The following CSMD1 variants were observed in gnomAD, a reference collection of about 807,000 sequenced individuals.
CSMD1 encodes CUB and Sushi multiple domains 1, also known as CUB and sushi domain-containing protein 1.
CSMD1 carries 213 observed loss-of-function variants against 417.5 expected under a neutral mutation model. That is an observed-to-expected ratio of 0.51 (90% confidence interval 0.46 to 0.57). CSMD1 has a LOEUF of 0.57. Ranked by LOEUF, CSMD1 falls within the 20% of genes least tolerant of loss-of-function variation. The pLI, the probability that CSMD1 is intolerant of heterozygous loss-of-function variation, is 0.00. For missense variants in CSMD1, 6,923 were observed against 4,529.7 expected (o/e 1.53, Z -15.17); for synonymous variants, 2,862 against 1,736.8 (o/e 1.65, Z -16.11).
At chr8:4,894,502 G>A (rs893685057) in intron 1 of CSMD1, among the ~76,000 whole-genome samples, 14 of 149,866 alleles carry the variant, frequency 9.3e-5, no homozygotes, top group Non-Finnish European at 1.5e-4. Context: ...GCAGTGAGCC[G>A]AGATCGCACC....
intron 5 of CSMD1, among the ~76,000 whole-genome samples, chr8:3,859,059 C>T (rs889872960): frequency 3.3e-5 from 5 of 152,264 alleles, no homozygotes; most frequent in African/African-American, 1.2e-4. Context: ...TTACATTATT[C>T]ATGTGTTATG....
In CSMD1 at chr8:4,182,250, A is replaced by G. The variant is rs543899147; in HGVS notation, c.416-150151T>C. Among the ~76,000 whole-genome samples, 18 of 152,250 alleles carry G rather than the reference A, an allele frequency of 1.2e-4. No homozygotes were observed. The South Asian group carries it at 2.7e-3, about 23-fold the overall frequency. On this transcript the variant is annotated intron_variant, in intron 3 of 69. Coordinates refer to ENST00000635120, the MANE Select transcript of CSMD1 (RefSeq NM_033225.6). The stretch of plus-strand genomic sequence containing the variant: ...ATGATACATAAGAAAAAAACGGAAT[A>G]TATCTAGATTATCGTTTGCATGATT...
intron 3 of CSMD1, among the ~76,000 whole-genome samples, chr8:4,361,556 G>T (rs1165510168): frequency 6.6e-6 from 1 of 152,190 alleles, no homozygotes; most frequent in Admixed American, 6.5e-5. Context: ...TTAAAAAGTC[G>T]TAGAGTTCAA....
At position 4,658,102 on chromosome 8, in the gene CSMD1, A is replaced by G. The variant is rs551351114; in HGVS notation, c.86-20544T>C. Among the ~76,000 whole-genome samples, 511 of 152,226 alleles carry G rather than the reference A, an allele frequency of 3.4e-3. 4 individuals carry two copies. The highest frequency in any genetic ancestry group is 0.012 in the African/African-American group (481 of 41,560). On this transcript the variant is annotated intron_variant, in intron 1 of 69. Transcript: ENST00000635120. The stretch of plus-strand genomic sequence containing the variant: ...AAAATAAACAGAGCTTAAGAAACAC[A>G]TGGGGCACCATGAAACATAACAATA...
chr8:3,935,862 C>A (rs1810458139), intron 5 of CSMD1, among the ~76,000 whole-genome samples: 2 of 152,244 alleles, frequency 1.3e-5, no homozygotes, highest in East Asian at 3.9e-4. Context: ...AGCTAGAAAT[C>A]ATTGGCCTTA....
intron 49 of CSMD1, among the ~76,000 whole-genome samples, chr8:3,076,635 C>T (rs1813706517): frequency 6.6e-6 from 1 of 152,140 alleles, no homozygotes; most frequent in Admixed American, 6.5e-5. Flanking sequence ...AAGACTGCAC[C>T]ACCGCTGGCC....
chr8:3,046,862 T>C (rs547321535), intron 50 of CSMD1, among the ~76,000 whole-genome samples: 1 of 152,272 alleles, frequency 6.6e-6, no homozygotes, highest in Admixed American at 6.5e-5. Flanking sequence ...AATATCTTCT[T>C]CCTAGGATTG....
chr8:4,660,114 CA>C (rs33982434), intron 1 of CSMD1, among the ~76,000 whole-genome samples: 4,035 of 122,818 alleles, frequency 0.033, 128 homozygotes, highest in East Asian at 0.12. Flanking sequence ...TCAACCAGTG[CA>C]AAAAAAAAAA....
intron 68 of CSMD1, among the ~76,000 whole-genome samples, chr8:2,944,418 C>T (rs948884027): frequency 6.6e-6 from 1 of 152,146 alleles, no homozygotes; most frequent in Non-Finnish European, 1.5e-5. Flanking sequence ...TGGTGCTGTC[C>T]AACAGAGAGC....
intron 50 of CSMD1, among the ~76,000 whole-genome samples, chr8:3,040,654 T>G (rs1280487849): frequency 6.6e-6 from 1 of 151,738 alleles, no homozygotes; most frequent in Non-Finnish European, 1.5e-5. Context: ...AATACAAAAA[T>G]TAGCCGGGCA....
intron 4 of CSMD1, among the ~76,000 whole-genome samples, chr8:4,022,860 A>G (rs777141071): frequency 3.3e-5 from 5 of 152,264 alleles, no homozygotes; most frequent in Admixed American, 1.3e-4. Flanking sequence ...ATTCGGAGCA[A>G]GAATTCACAT....
At chr8:3,204,416 T>C (rs1411295786) in intron 31 of CSMD1, among the ~76,000 whole-genome samples, 1 of 152,144 alleles carries the variant, frequency 6.6e-6, no homozygotes, top group African/African-American at 2.4e-5. Context: ...AAAAAAATTA[T>C]TTCATTCAAA....
chr8:3,946,672 C>G (rs1420142157), intron 5 of CSMD1, among the ~76,000 whole-genome samples: 1 of 152,086 alleles, frequency 6.6e-6, no homozygotes, highest in African/African-American at 2.4e-5. Flanking sequence ...AGCCCTGCAT[C>G]TTCTCATTCA....
At chr8:4,679,912 G>T (rs1805930040) in intron 1 of CSMD1, among the ~76,000 whole-genome samples, 1 of 152,104 alleles carries the variant, frequency 6.6e-6, no homozygotes, top group African/African-American at 2.4e-5. Context: ...AAAATAGATT[G>T]CTGTTTCCCA....
intron 3 of CSMD1, among the ~76,000 whole-genome samples, chr8:4,079,100 T>A (rs1178012117): frequency 6.6e-6 from 1 of 151,620 alleles, no homozygotes; most frequent in Admixed American, 6.6e-5. Flanking sequence ...TCGGTTCAAA[T>A]AGGGTGGTGT....
At chr8:3,438,986 G>T (rs1306021291) in intron 12 of CSMD1, among the ~76,000 whole-genome samples, 1 of 150,714 alleles carries the variant, frequency 6.6e-6, no homozygotes, top group Non-Finnish European at 1.5e-5. Flanking sequence ...ATGGTAGTGG[G>T]CACCTGTAAT....
At chr8:4,162,535 T>C (rs1335556449) in intron 3 of CSMD1, among the ~76,000 whole-genome samples, 1 of 152,208 alleles carries the variant, frequency 6.6e-6, no homozygotes, top group Non-Finnish European at 1.5e-5. Context: ...TAAATTTTGA[T>C]ATTTTTAATT....
intron 2 of CSMD1, among the ~76,000 whole-genome samples, chr8:4,569,795 G>C (rs552199814): frequency 6.6e-6 from 1 of 152,214 alleles, no homozygotes; most frequent in East Asian, 1.9e-4. Context: ...CTTTCCATTT[G>C]TTTGTGTCCT....
At chr8:4,128,190 G>C (rs1346412394) in intron 3 of CSMD1, among the ~76,000 whole-genome samples, 1 of 151,980 alleles carries the variant, frequency 6.6e-6, no homozygotes, top group African/African-American at 2.4e-5. Context: ...TGCGGAAAAA[G>C]TGCCCTGAGA....
Sources: allele counts gnomAD v4.1 joint callset (sites outside exome capture counted in the v4.1 genomes callset), GRCh38; gene constraint gnomAD v4.1.1; transcripts MANE v1.5; gene names NCBI Gene and HGNC (gene_info 2026-07-23, HGNC 2026-07-21).